The following EYA2 variants were observed in gnomAD, a reference collection of about 807,000 sequenced individuals.
EYA2 encodes the protein protein phosphatase EYA2.
In EYA2, 31 loss-of-function variants were observed where a neutral mutation model predicts 69.2. The observed-to-expected ratio is 0.45, with a 90% confidence interval of 0.34 to 0.60. The LOEUF is 0.60. EYA2 is among the 20% of genes least tolerant of loss of function. The pLI is 0.02. For synonymous variants in EYA2, 257 were observed against 279.4 expected (o/e 0.92, Z 0.80); for missense variants, 622 against 701.2 (o/e 0.89, Z 1.28).
intron 1 of EYA2, among the ~76,000 whole-genome samples, chr20:46,969,086 C>A (rs1017448134): frequency 6.6e-6 from 1 of 151,396 alleles, no homozygotes; most frequent in African/African-American, 2.4e-5. Flanking sequence ...ATTTTTTTTA[C>A]CAGCAAAAGA....
intron 1 of EYA2, among the ~76,000 whole-genome samples, chr20:46,987,964 C>CTCTCTCTCTCTCTCTTTATA (rs1555809797): frequency 8.9e-5 from 1 of 11,280 alleles, no homozygotes; most frequent in Non-Finnish European, 1.7e-4. Flanking sequence ...CTCTCTCTCT[C>CTCTCTCTCTCTCTCTTTATA]TATATATATA....
intron 11 of EYA2, among the ~76,000 whole-genome samples, chr20:47,170,327 G>C (rs2034292351): frequency 6.6e-6 from 1 of 152,050 alleles, no homozygotes; most frequent in Non-Finnish European, 1.5e-5. Flanking sequence ...TGGCTTCCAG[G>C]AATCAGGTAA....
intron 9 of EYA2, among the ~76,000 whole-genome samples, chr20:47,098,414 CT>C (rs1461180037): frequency 1.3e-5 from 2 of 152,230 alleles, no homozygotes; most frequent in African/African-American, 4.8e-5. Flanking sequence ...GTCACCTCCC[CT>C]GAGACACAGG....
chr20:46,978,606 A>G (rs760688176), intron 1 of EYA2: 1 of 534,790 alleles, frequency 1.9e-6, no homozygotes, highest in Non-Finnish European at 3.8e-6. Context: ...AGAGCAATGG[A>G]AAGCCGTCAG....
intron 7 of EYA2, among the ~76,000 whole-genome samples, chr20:47,087,332 G>A (rs2031928566): frequency 6.6e-6 from 1 of 152,156 alleles, no homozygotes; most frequent in African/African-American, 2.4e-5. Flanking sequence ...GGAAGGATGG[G>A]GTCTGTGTGA....
intron 4 of EYA2, among the ~76,000 whole-genome samples, chr20:47,011,972 A>G (rs1255537931): frequency 2.6e-5 from 4 of 152,020 alleles, no homozygotes; most frequent in Non-Finnish European, 5.9e-5. Flanking sequence ...CCCAAAAAGT[A>G]TTTTGTATGC....
At chr20:47,165,243 C>G (rs1403378881) in intron 10 of EYA2, among the ~76,000 whole-genome samples, 1 of 152,186 alleles carries the variant, frequency 6.6e-6, no homozygotes, top group African/African-American at 2.4e-5. Flanking sequence ...AAAAAGATCA[C>G]TCCTTCTTGG....
At chr20:46,964,762 A>T (rs769523446) in intron 1 of EYA2, among the ~76,000 whole-genome samples, 11 of 152,210 alleles carry the variant, frequency 7.2e-5, no homozygotes, top group Non-Finnish European at 1.2e-4. Context: ...GCCCAAGGTC[A>T]CAGCGATCAT....
At chr20:46,974,351 T>C (rs1365865453) in intron 1 of EYA2, among the ~76,000 whole-genome samples, 1 of 152,144 alleles carries the variant, frequency 6.6e-6, no homozygotes, top group Non-Finnish European at 1.5e-5. Context: ...CTGTTTCTCT[T>C]CCCCCAGTAA....
At chr20:47,073,494 TG>T (rs71183228) in intron 6 of EYA2, among the ~76,000 whole-genome samples, 1,347 of 121,488 alleles carry the variant, frequency 0.011, 15 homozygotes, top group African/African-American at 0.042. Flanking sequence ...GTGTGTGTCG[TG>T]GGGGGGGGGT....
At chr20:47,080,858 C>T (rs2031688244) in intron 7 of EYA2, among the ~76,000 whole-genome samples, 1 of 152,170 alleles carries the variant, frequency 6.6e-6, no homozygotes, top group Non-Finnish European at 1.5e-5. Context: ...ATCACAAGAA[C>T]AGTGCAGGAA....
intron 4 of EYA2, among the ~76,000 whole-genome samples, chr20:47,012,402 C>T (rs969522435): frequency 1.3e-5 from 2 of 152,166 alleles, no homozygotes; most frequent in Admixed American, 6.5e-5. Context: ...GTTTAAAAGA[C>T]CAGTTTTTGG....
chr20:46,897,721 G>A (rs1271362755), intron 1 of EYA2, among the ~76,000 whole-genome samples: 6 of 152,214 alleles, frequency 3.9e-5, no homozygotes, highest in Admixed American at 1.3e-4. Flanking sequence ...AGAGCCTGTG[G>A]CTGTCAGGAG....
intron 9 of EYA2, among the ~76,000 whole-genome samples, chr20:47,119,647 G>T (rs890699210): frequency 2.0e-5 from 3 of 152,320 alleles, no homozygotes; most frequent in East Asian, 3.9e-4. Flanking sequence ...GGTTACTAGG[G>T]ACTGGGGGTA....
At position 47,149,088 on chromosome 20, in the gene EYA2, A is replaced by C. The variant is rs553225395; in HGVS notation, c.978+5940A>C. 1.6e-4 allele frequency among the ~76,000 whole-genome samples: 25 copies of C among 152,296 alleles called. No individual in the cohort carries two copies. In the South Asian group the frequency reaches 4.8e-3, roughly 29 times the overall value. ...GGAGACTCCATCTCCAAAAAACAAA[A>C]AAAAAAAACAAGTATTATTTATGTT... On this transcript the variant is annotated intron_variant, in intron 10 of 15. Coordinates refer to ENST00000327619, the MANE Select transcript of EYA2 (RefSeq NM_005244.5).
intron 1 of EYA2, among the ~76,000 whole-genome samples, chr20:46,947,869 C>A (rs762975764): frequency 5.3e-5 from 8 of 152,146 alleles, no homozygotes; most frequent in Non-Finnish European, 8.8e-5. Context: ...ATAATCCCAG[C>A]ACTTTTAGAG....
At chr20:47,038,614 A>G (rs1984851663) in intron 5 of EYA2, among the ~76,000 whole-genome samples, 1 of 152,240 alleles carries the variant, frequency 6.6e-6, no homozygotes, top group Non-Finnish European at 1.5e-5. Flanking sequence ...ACACATACAC[A>G]ATGTTCATTG....
rs774730804 is a variant in EYA2, at chr20:47,097,034, A to G, written c.805-51A>G. On this transcript the variant is annotated intron_variant, in intron 8 of 15. Transcript: ENST00000327619. ...AATGAATTTCTGCAGACATTAAGTC[A>G]GATGCACGTGAGTCCATTTTTCTCC... 5 of 1,312,958 alleles carry G rather than the reference A, an allele frequency of 3.8e-6. No homozygotes were observed. The South Asian group carries it at 6.1e-5, about 16-fold the overall frequency. The allele number at this position is 1,312,958 out of a possible 1,614,324, so 81.3% of individuals were successfully genotyped here. A position where few individuals can be genotyped will look rare whatever the true frequency, so the allele number is the denominator to read the frequency against.
chr20:47,035,234 C>A (rs570840707), intron 5 of EYA2, among the ~76,000 whole-genome samples: 1 of 152,286 alleles, frequency 6.6e-6, no homozygotes, highest in South Asian at 2.1e-4. Flanking sequence ...GGTCAAGGAT[C>A]CTGCTGCTCA....
Sources: gnomAD v4.1 joint callset for allele counts (sites outside exome capture counted in the v4.1 genomes callset) on GRCh38, gnomAD v4.1.1 for gene constraint, MANE v1.5 for transcripts, NCBI Gene and HGNC (gene_info 2026-07-23, HGNC 2026-07-21) for gene names.